The following AZIN2 variants were observed in gnomAD, a reference collection of about 807,000 sequenced individuals.
The protein encoded by AZIN2 is antizyme inhibitor 2.
Under a neutral mutation model 47.8 loss-of-function variants are expected in AZIN2, and 28 were observed. The observed-to-expected ratio is 0.59, with a 90% CI of 0.43 to 0.80. AZIN2 has a LOEUF of 0.80. Ranked by LOEUF, AZIN2 falls within the 30% of genes least tolerant of loss-of-function variation. AZIN2 has a pLI of 0.00. For synonymous variants in AZIN2, 221 were observed against 239.4 expected (o/e 0.92, Z 0.71); for missense variants, 535 against 582.5 (o/e 0.92, Z 0.84).
At chr1:33,088,985 T>C (rs1179863140) in intron 5 of AZIN2, among the ~76,000 whole-genome samples, 1 of 152,196 alleles carries the variant, frequency 6.6e-6, no homozygotes, top group Non-Finnish European at 1.5e-5. Flanking sequence ...TGTGCTTTAG[T>C]CACCACTTGT....
chr1:33,117,905 C>A lies in AZIN2; in HGVS notation c.1033C>A (p.Pro345Thr). The change falls in exon 11 of 12, where the codon CCA becomes ACA. Residue 345 changes from proline (P) to threonine (T), a missense_variant. By Grantham distance (38) the Pro-to-Thr change is conservative (BLOSUM62 -1). Coordinates refer to ENST00000294517, the MANE Select transcript of AZIN2 (RefSeq NM_052998.4). ...ICPTPILQKK[P>T]STEQPLYSSS... ...TGGCCATCCCTTCTTCCTACAGAAA[C>A]CATCCACGGAGCAGCCCCTGTACAG... is the stretch of plus-strand genomic sequence containing the variant. 6.2e-7 allele frequency: 1 copy of A among 1,614,200 alleles called. No individual in the cohort carries two copies. The highest frequency in any genetic ancestry group is 8.5e-7 in the Non-Finnish European group (1 of 1,180,022).
chr1:33,098,489 A>G (rs188630230), intron 10 of AZIN2, among the ~76,000 whole-genome samples: 8 of 152,274 alleles, frequency 5.3e-5, no homozygotes, highest in South Asian at 2.1e-4. Flanking sequence ...ATTTTAACCA[A>G]TCTAACTCTA....
the AZIN2 span, among the ~76,000 whole-genome samples, chr1:33,148,035 G>A: frequency 6.6e-6 from 1 of 152,222 alleles, no homozygotes; most frequent in Non-Finnish European, 1.5e-5. Flanking sequence ...TAACCAGAAT[G>A]AGGCCTAGAA....
At chr1:33,162,590 G>A in the AZIN2 span, among the ~76,000 whole-genome samples, 4 of 152,336 alleles carry the variant, frequency 2.6e-5, no homozygotes, top group East Asian at 1.9e-4. Flanking sequence ...GTGAAGGAGG[G>A]AAGAGTCTTG....
intron 10 of AZIN2, among the ~76,000 whole-genome samples, chr1:33,104,555 T>TAC (rs1279549563): frequency 1.3e-5 from 2 of 151,878 alleles, no homozygotes; most frequent in Non-Finnish European, 2.9e-5. Context: ...TATATATATA[T>TAC]ATAGTCTTAT....
At chr1:33,157,812 A>C in the AZIN2 span, among the ~76,000 whole-genome samples, 1 of 150,820 alleles carries the variant, frequency 6.6e-6, no homozygotes, top group Admixed American at 6.6e-5. Flanking sequence ...GCTGGAGTGC[A>C]GTGGCTCAGT....
chr1:33,082,140 C>T (rs985295148), intron 3 of AZIN2, 38 bp from the exon 4 acceptor site: 21 of 890,166 alleles, frequency 2.4e-5, no homozygotes, highest in Non-Finnish European at 3.4e-5. Context: ...GCAGAGCCGG[C>T]CCCCCAGCGG....
the AZIN2 span, among the ~76,000 whole-genome samples, chr1:33,141,384 G>C: frequency 6.6e-6 from 1 of 152,162 alleles, no homozygotes; most frequent in Admixed American, 6.5e-5. Flanking sequence ...CTGGGAACCA[G>C]GACACTTGAG....
chr1:33,157,793 G>A, the AZIN2 span, among the ~76,000 whole-genome samples: 1 of 150,148 alleles, frequency 6.7e-6, no homozygotes. Context: ...GTCTTGCTCT[G>A]TTGCCCAGGC....
the AZIN2 span, among the ~76,000 whole-genome samples, chr1:33,150,942 T>C: frequency 6.6e-6 from 1 of 152,032 alleles, no homozygotes; most frequent in Admixed American, 6.5e-5. Context: ...CTAGGCATGA[T>C]ATCTAAGGCG....
chr1:33,110,738 T>C (rs1039806349), intron 10 of AZIN2, among the ~76,000 whole-genome samples: 30 of 151,678 alleles, frequency 2.0e-4, no homozygotes, highest in African/African-American at 5.6e-4. Flanking sequence ...GTGCATAGAG[T>C]CAGAAGGCAT....
the AZIN2 span, chr1:33,165,837 C>T: frequency 3.3e-6 from 1 of 301,934 alleles, no homozygotes. This position sits in a 1 kb window ranked among gnomAD's most constrained non-coding sequence, Gnocchi z 4.0. Flanking sequence ...CTTCCACATA[C>T]ACACTCTCTG....
chr1:33,166,609 G>T, the AZIN2 span, among the ~76,000 whole-genome samples: 4 of 152,104 alleles, frequency 2.6e-5, no homozygotes, highest in South Asian at 8.3e-4. Flanking sequence ...CAAGAAACTG[G>T]CCCCATAGCA....
chr1:33,130,280 T>C, the AZIN2 span, among the ~76,000 whole-genome samples: 3 of 152,222 alleles, frequency 2.0e-5, no homozygotes, highest in Admixed American at 6.5e-5. Context: ...TTCCTCCCGT[T>C]GAGTATGGAT....
chr1:33,135,634 C>G, the AZIN2 span, among the ~76,000 whole-genome samples: 1 of 152,236 alleles, frequency 6.6e-6, no homozygotes, highest in Admixed American at 6.5e-5. Context: ...CTCAAACATG[C>G]TGTTCCTCCT....
At chr1:33,088,758 C>T (rs754417074) in intron 5 of AZIN2, among the ~76,000 whole-genome samples, 1 of 152,134 alleles carries the variant, frequency 6.6e-6, no homozygotes, top group African/African-American at 2.4e-5. Context: ...AGATTCTTTC[C>T]TTCCCTCTTG....
Position 33,120,192 on chromosome 1 carries a change from G to A in AZIN2, c.*10G>A, listed in dbSNP as rs374492141. 165 of 1,595,784 alleles carry A rather than the reference G, an allele frequency of 1.0e-4. No individual in the cohort carries two copies. The highest frequency in any genetic ancestry group is 1.3e-4 in the Non-Finnish European group (155 of 1,166,694). On this transcript the variant is annotated 3_prime_UTR_variant, in exon 12 of 12. Transcript: ENST00000294517. ...AGCGAGCATCATGTGAGTGGGCCTC[G>A]TTCCCCCCGGAGAATCCCAGCGGGG... is the stretch of plus-strand genomic sequence containing the variant.
chr1:33,120,113 G>A lies in AZIN2; in HGVS notation c.1314G>A (p.Leu438=), dbSNP rs1333569929. 2 of 1,614,024 alleles carry A rather than the reference G, an allele frequency of 1.2e-6. No homozygotes were observed. Among genetic ancestry groups the A allele is most frequent in the East Asian group, 2.2e-5 (1 of 44,886 alleles). ...EDDVEGVCKP[L]SCGWEITDTL... ...ACGTGGAGGGTGTGTGCAAGCCTCT[G>A]TCCTGCGGCTGGGAGATCACAGACA... is the stretch of plus-strand genomic sequence containing the variant. The change falls in exon 12 of 12, where the codon CTG becomes CTA. Residue 438 remains leucine (L), a synonymous_variant. Coordinates refer to ENST00000294517, the MANE Select transcript of AZIN2 (RefSeq NM_052998.4).
intron 11 of AZIN2, 128 bp downstream of exon 11, chr1:33,118,244 G>A (rs1323938312): frequency 5.7e-6 from 6 of 1,044,658 alleles, no homozygotes; most frequent in Admixed American, 3.3e-5. Flanking sequence ...CTGGTCCCAC[G>A]TGAGGGATGT....
Sources: gnomAD v4.1 joint callset for allele counts (sites outside exome capture counted in the v4.1 genomes callset) on GRCh38, gnomAD v4.1.1 for gene constraint, Gnocchi (gnomAD v3.1) non-coding constraint, MANE v1.5 for transcripts, NCBI Gene and HGNC (gene_info 2026-07-23, HGNC 2026-07-21) for gene names.